The following TNR variants were observed in gnomAD, a reference collection of about 807,000 sequenced individuals.
TNR encodes tenascin R.
TNR carries 45 observed loss-of-function variants against 150.4 expected under a neutral mutation model. That is an observed-to-expected ratio of 0.30 (90% CI 0.24 to 0.38). TNR has a LOEUF of 0.38. TNR is among the 10% of genes least tolerant of loss of function. TNR has a pLI of 1.00. For synonymous variants in TNR, 687 were observed against 678.4 expected (o/e 1.01, Z -0.20); for missense variants, 1,544 against 1,759.1 (o/e 0.88, Z 2.19).
At chr1:175,607,187 C>T (rs887059417) in intron 1 of TNR, among the ~76,000 whole-genome samples, 10 of 152,136 alleles carry the variant, frequency 6.6e-5, no homozygotes, top group African/African-American at 2.4e-4. Context: ...CATATGTTTC[C>T]TTTGCCAATG....
Position 175,352,534 on chromosome 1 carries a change from G to T in TNR, c.3382+1857C>A, listed in dbSNP as rs190316031. ...ATTAACCTGCGAATGTGCAGGGAAG[G>T]GCTTAACAAGAAGAGGGTAGCACCT... is the stretch of plus-strand genomic sequence containing the variant. On this transcript the variant is annotated intron_variant, in intron 18 of 22. Coordinates refer to ENST00000367674, the MANE Select transcript of TNR (RefSeq NM_003285.3). Among the ~76,000 whole-genome samples the T allele has an allele frequency of 2.6e-4, 39 of 152,220 alleles. 1 individual carries two copies. Among genetic ancestry groups the T allele is most frequent in the Admixed American group, 2.2e-3 (34 of 15,296 alleles).
chr1:175,686,874 C>T (rs2101914775), intron 1 of TNR, among the ~76,000 whole-genome samples: 1 of 152,250 alleles, frequency 6.6e-6, no homozygotes, highest in East Asian at 1.9e-4. Flanking sequence ...CTAAATTTTC[C>T]TTATCTAGCT....
At chr1:175,595,550 T>C (rs142868481) in intron 1 of TNR, among the ~76,000 whole-genome samples, 1 of 152,334 alleles carries the variant, frequency 6.6e-6, no homozygotes, top group East Asian at 1.9e-4. Context: ...TACTTTTGCA[T>C]TGACTTAGTT....
chr1:175,474,761 A>G (rs1328681977), intron 2 of TNR, among the ~76,000 whole-genome samples: 2 of 152,230 alleles, frequency 1.3e-5, no homozygotes, highest in Admixed American at 6.5e-5. Flanking sequence ...GGCTGTGCTT[A>G]TAACTATGGG....
At position 175,406,661 on chromosome 1, in the gene TNR, G is replaced by T. The variant is rs1181220756; in HGVS notation, c.54C>A (p.Asn18Lys). 2 of 1,614,070 alleles carry T rather than the reference G, an allele frequency of 1.2e-6. No individual in the cohort carries two copies. The highest frequency in any genetic ancestry group is 1.7e-6 in the Non-Finnish European group (2 of 1,180,044). Residue 18 changes from asparagine to lysine, a missense_variant, in exon 3 of 23, where the codon AAC (asparagine) becomes AAA (lysine). Asn to Lys is a moderately conservative substitution (Grantham distance 94). Transcript: ENST00000367674. ...TGATCATGGAGCCCAGAAGGATCAG[G>T]TTGATGCCAATGAGCATGTTCTTCA... Reference protein sequence around the residue: ...VVLKNMLIGINLILLGSMIKP... With the variant: ...VVLKNMLIGIKLILLGSMIKP...
intron 1 of TNR, among the ~76,000 whole-genome samples, chr1:175,706,939 T>C (rs923353996): frequency 6.6e-6 from 1 of 152,176 alleles, no homozygotes; most frequent in Non-Finnish European, 1.5e-5. Context: ...CTGGGATTCT[T>C]ACCCCCTTGC....
intron 2 of TNR, among the ~76,000 whole-genome samples, chr1:175,489,492 T>C (rs1489221817): frequency 6.6e-6 from 1 of 152,204 alleles, no homozygotes; most frequent in Non-Finnish European, 1.5e-5. Context: ...CAGCGTGTGA[T>C]TTCCTTCAGA....
intron 4 of TNR, 99 bp downstream of exon 4, chr1:175,403,041 T>G: frequency 9.4e-7 from 1 of 1,066,110 alleles, no homozygotes; most frequent in Non-Finnish European, 1.4e-6. Flanking sequence ...TGCCTAAACT[T>G]CACTTTCTCA....
At chr1:175,672,614 G>C (rs1665736349) in intron 1 of TNR, among the ~76,000 whole-genome samples, 1 of 152,184 alleles carries the variant, frequency 6.6e-6, no homozygotes. Flanking sequence ...GCCACAACCT[G>C]TGCATTCACA....
chr1:175,547,655 G>A (rs2901915), intron 1 of TNR, among the ~76,000 whole-genome samples: 5 of 144,288 alleles, frequency 3.5e-5, no homozygotes, highest in East Asian at 2.0e-4. Flanking sequence ...AAGAAAGGAA[G>A]AAGAAAGAAA....
intron 1 of TNR, among the ~76,000 whole-genome samples, chr1:175,576,640 TC>T (rs1323202009): frequency 6.7e-6 from 1 of 150,272 alleles, no homozygotes; most frequent in African/African-American, 2.5e-5. Flanking sequence ...CACCACACCA[TC>T]CCAAGCTTGT....
intron 18 of TNR, among the ~76,000 whole-genome samples, chr1:175,351,982 A>T (rs929052671): frequency 6.6e-6 from 1 of 152,222 alleles, no homozygotes; most frequent in Admixed American, 6.5e-5. Flanking sequence ...ACATCCTGAT[A>T]GTCCCCTGCA....
In TNR at chr1:175,330,222, T is replaced by C; in HGVS notation, c.3645A>G (p.Ile1215Met). 6.3e-7 allele frequency: 1 copy of C among 1,595,654 alleles called. No individual in the cohort carries two copies. Among genetic ancestry groups the C allele is most frequent in the Non-Finnish European group, 8.6e-7 (1 of 1,166,558 alleles). ...EDEFWLGLDN[I>M]HRITSQGRYE... ...AGCGGCCCTGGGATGTGATCCTGTG[T>C]ATATTGTCCAGCCCTGTGGAGAAGA... The change falls in exon 21 of 23, where the codon ATA becomes ATG. Residue 1215 changes from isoleucine (I) to methionine (M), a missense_variant. By Grantham distance (10) the Ile-to-Met change is conservative. This residue lies in a region of TNR where 290 missense variants were observed against 429.7 expected (regional missense o/e 0.67). Transcript: ENST00000367674.
chr1:175,601,048 T>G (rs1476361977), intron 1 of TNR, among the ~76,000 whole-genome samples: 1 of 152,254 alleles, frequency 6.6e-6, no homozygotes, highest in Non-Finnish European at 1.5e-5. Context: ...GAAATGATAT[T>G]GTAGTTTCAA....
intron 2 of TNR, among the ~76,000 whole-genome samples, chr1:175,508,549 G>C (rs1424170256): frequency 6.6e-6 from 1 of 152,212 alleles, no homozygotes; most frequent in Non-Finnish European, 1.5e-5. Context: ...CTGTCCTGGG[G>C]CTTTTTCACT....
chr1:175,418,901 T>C (rs753647856), intron 2 of TNR, among the ~76,000 whole-genome samples: 2 of 152,192 alleles, frequency 1.3e-5, no homozygotes, highest in Non-Finnish European at 2.9e-5. Flanking sequence ...ATCTGTGTGC[T>C]TGTTGAGCCA....
At chr1:175,444,309 G>C (rs1655932710) in intron 2 of TNR, among the ~76,000 whole-genome samples, 1 of 152,150 alleles carries the variant, frequency 6.6e-6, no homozygotes, top group Admixed American at 6.5e-5. Flanking sequence ...AGAAATCTAA[G>C]ACCCCTTTAA....
chr1:175,724,610 G>A (rs768806396), intron 1 of TNR, among the ~76,000 whole-genome samples: 1 of 152,126 alleles, frequency 6.6e-6, no homozygotes, highest in Non-Finnish European at 1.5e-5. Context: ...GACCTGAAGG[G>A]TGGTTATGGG....
At chr1:175,511,254 A>G (rs541249847) in intron 2 of TNR, among the ~76,000 whole-genome samples, 1 of 152,260 alleles carries the variant, frequency 6.6e-6, no homozygotes, top group Non-Finnish European at 1.5e-5. Flanking sequence ...ATTAATTTAA[A>G]TAAAGCATGT....
Sources: gnomAD v4.1 joint callset for allele counts (sites outside exome capture counted in the v4.1 genomes callset) on GRCh38, gnomAD v4.1.1 for gene constraint, gnomAD v4.1.1 regional missense constraint, MANE v1.5 for transcripts, NCBI Gene and HGNC (gene_info 2026-07-23, HGNC 2026-07-21) for gene names.